The following STXBP4 variants were observed in gnomAD, a reference collection of about 807,000 sequenced individuals.
STXBP4 encodes syntaxin-binding protein 4.
A neutral mutation model predicts 76.1 loss-of-function variants in STXBP4; 55 were observed. The ratio of observed to expected loss-of-function variants is 0.72; its 90% CI spans 0.58 to 0.91. The LOEUF is 0.91. Among genes scored for constraint, STXBP4 ranks in the 40% least tolerant of loss-of-function variants. The pLI is 0.00. For missense variants in STXBP4, 618 were observed against 636.9 expected (o/e 0.97, Z 0.32); for synonymous variants, 201 against 220.2 (o/e 0.91, Z 0.77).
chr17:55,009,232 T>C (rs977782153), intron 8 of STXBP4, among the ~76,000 whole-genome samples: 1 of 152,196 alleles, frequency 6.6e-6, no homozygotes, highest in African/African-American at 2.4e-5. Context: ...GTGGCTAAAA[T>C]GTAAGTTCTG....
intron 16 of STXBP4, among the ~76,000 whole-genome samples, chr17:55,120,369 G>A (rs923221313): frequency 2.0e-5 from 3 of 152,196 alleles, no homozygotes; most frequent in Non-Finnish European, 4.4e-5. Flanking sequence ...TACAGTGTTG[G>A]TAGTACCTAC....
chr17:55,212,631 C>G, the STXBP4 span, among the ~76,000 whole-genome samples: 16 of 152,246 alleles, frequency 1.1e-4, no homozygotes, highest in African/African-American at 2.6e-4. Flanking sequence ...TATTTGCTAG[C>G]TGTTAAAAAT....
intron 7 of STXBP4, 46 bp from the exon 8 acceptor site, chr17:55,007,460 G>A (rs532283353): frequency 2.9e-6 from 4 of 1,398,864 alleles, no homozygotes; most frequent in African/African-American, 1.4e-5. Flanking sequence ...TAAAAATTTC[G>A]ATTCCAATTA....
the STXBP4 span, among the ~76,000 whole-genome samples, chr17:55,210,934 A>T: frequency 6.6e-6 from 1 of 152,244 alleles, no homozygotes; most frequent in Non-Finnish European, 1.5e-5. Context: ...TTGTTTGTAA[A>T]GATTATGTCT....
rs141505739 is a variant in STXBP4 at position 55,018,461 on chromosome 17, G to T, written c.666+10864G>T. Among the ~76,000 whole-genome samples, 638 of 152,232 alleles carry T rather than the reference G, an allele frequency of 4.2e-3. 2 individuals are homozygous for T. The highest frequency in any genetic ancestry group is 0.014 in the African/African-American group (591 of 41,508). On this transcript the variant is annotated intron_variant, in intron 8 of 17. Transcript: ENST00000376352. The stretch of plus-strand genomic sequence containing the variant: ...CAAGATTTAATAGAGTGAAAACAGA[G>T]CTCCCATAGAAAGGGAGGGGACCCA...
intron 16 of STXBP4, among the ~76,000 whole-genome samples, chr17:55,116,635 G>A (rs1287731454): frequency 7.6e-6 from 1 of 131,202 alleles, no homozygotes; most frequent in African/African-American, 3.1e-5. Flanking sequence ...AGACTGTGAA[G>A]AGATCAAAAA....
In STXBP4 at chr17:55,092,110, G is replaced by C. The variant is rs370053095; in HGVS notation, c.1489+10927G>C. Among the ~76,000 whole-genome samples, 212 of 152,266 alleles carry C rather than the reference G, an allele frequency of 1.4e-3. 1 individual carries two copies. The highest frequency in any genetic ancestry group is 4.9e-3 in the African/African-American group (203 of 41,558). On this transcript the variant is annotated intron_variant, in intron 16 of 17. Coordinates refer to ENST00000376352, the MANE Select transcript of STXBP4 (RefSeq NM_178509.6). ...CACTTATAAGTGGGAGCTAAGATAT[G>C]AGGACGCAAAGACTAAGAATGACAC...
rs369788583 is a variant in STXBP4, at chr17:55,134,710, G to T, written c.1490-6600G>T. On this transcript the variant is annotated intron_variant, in intron 16 of 17. Coordinates refer to ENST00000376352, the MANE Select transcript of STXBP4 (RefSeq NM_178509.6). ...TCATTTCATCCTATTATTCAGCTCT[G>T]TCTTTAGGCTGATCTCACACTCTCC... 5.3e-5 allele frequency among the ~76,000 whole-genome samples: 8 copies of T among 152,240 alleles called. No individual in the cohort carries two copies. The East Asian group carries it at 1.5e-3, about 29-fold the overall frequency.
At chr17:54,969,477 G>A (rs1450119612) in intron 1 of STXBP4, among the ~76,000 whole-genome samples, 3 of 152,192 alleles carry the variant, frequency 2.0e-5, no homozygotes, top group Non-Finnish European at 4.4e-5. Context: ...TTTTACCCGG[G>A]TCCTCACCAT....
intron 16 of STXBP4, among the ~76,000 whole-genome samples, chr17:55,091,366 A>G (rs1184020555): frequency 2.6e-5 from 4 of 151,810 alleles, no homozygotes; most frequent in Non-Finnish European, 5.9e-5. Flanking sequence ...TTTTTTTTGC[A>G]AAAAAGATGT....
At chr17:55,066,641 G>T (rs547659447) in intron 12 of STXBP4, among the ~76,000 whole-genome samples, 237 of 152,186 alleles carry the variant, frequency 1.6e-3, no homozygotes, top group Middle Eastern at 3.4e-3. Context: ...TTTAGCATTG[G>T]TATTTTCTTC....
chr17:55,069,378 A>T (rs1325104204), intron 12 of STXBP4, among the ~76,000 whole-genome samples: 1 of 152,080 alleles, frequency 6.6e-6, no homozygotes, highest in African/African-American at 2.4e-5. Flanking sequence ...ATTTTCCCTG[A>T]TGGGATTTCA....
chr17:55,035,939 G>A (rs1252069725), intron 10 of STXBP4, among the ~76,000 whole-genome samples: 1 of 151,930 alleles, frequency 6.6e-6, no homozygotes, highest in Non-Finnish European at 1.5e-5. Flanking sequence ...CTTAGAATGT[G>A]TATACATTGT....
At chr17:55,073,205 G>A in intron 13 of STXBP4, 129 bp downstream of exon 13, 1 of 833,382 alleles carries the variant, frequency 1.2e-6, no homozygotes, top group Non-Finnish European at 1.9e-6. Context: ...TCAATGATAG[G>A]ATGCTGTGTC....
At chr17:55,021,829 A>G (rs189253512) in intron 8 of STXBP4, among the ~76,000 whole-genome samples, 1 of 152,224 alleles carries the variant, frequency 6.6e-6, no homozygotes, top group Non-Finnish European at 1.5e-5. Flanking sequence ...TTAAAAATTT[A>G]TCAAACGAAA....
At chr17:55,047,722 T>C (rs1040263210) in intron 12 of STXBP4, among the ~76,000 whole-genome samples, 46 of 151,768 alleles carry the variant, frequency 3.0e-4, no homozygotes, top group African/African-American at 1.1e-3. Context: ...TCAACAGTGA[T>C]CACCTGATTT....
chr17:55,002,665 A>C (rs1272630674), intron 7 of STXBP4, among the ~76,000 whole-genome samples: 2 of 152,168 alleles, frequency 1.3e-5, no homozygotes, highest in Non-Finnish European at 2.9e-5. Context: ...TAAGGAAGGA[A>C]GTAGTGAGTG....
At chr17:55,054,138 CA>C (rs764686158) in intron 12 of STXBP4, among the ~76,000 whole-genome samples, 2 of 151,676 alleles carry the variant, frequency 1.3e-5, no homozygotes, top group Admixed American at 6.6e-5. Context: ...TTTAATAAGA[CA>C]AAAAAATGAA....
the STXBP4 span, among the ~76,000 whole-genome samples, chr17:55,200,821 A>AT: frequency 6.6e-6 from 1 of 152,220 alleles, no homozygotes; most frequent in East Asian, 1.9e-4. Flanking sequence ...TTCAGTGTAT[A>AT]TTTTTAACAA....
Sources: gnomAD v4.1 joint callset for allele counts (sites outside exome capture counted in the v4.1 genomes callset) on GRCh38, gnomAD v4.1.1 for gene constraint, MANE v1.5 for transcripts, NCBI Gene and HGNC (gene_info 2026-07-23, HGNC 2026-07-21) for gene names.